Variants in MAGI1 observed in about 807,000 individuals in gnomAD.
The protein encoded by MAGI1 is membrane-associated guanylate kinase, WW and PDZ domain-containing protein 1.
MAGI1 carries 58 observed loss-of-function variants against 139.9 expected under a neutral mutation model. The ratio of observed to expected loss-of-function variants is 0.41; its 90% confidence interval spans 0.34 to 0.52. The LOEUF (loss-of-function observed/expected upper bound fraction) is 0.52. Among genes scored for constraint, MAGI1 ranks in the 20% least tolerant of loss-of-function variants. MAGI1 has a pLI of 0.12. For missense variants in MAGI1, 1,874 were observed against 1,901.6 expected (o/e 0.99, Z 0.27); for synonymous variants, 812 against 737.9 (o/e 1.10, Z -1.63).
At chr3:65,987,302 C>T (rs2107326598) in intron 1 of MAGI1, among the ~76,000 whole-genome samples, 1 of 152,328 alleles carries the variant, frequency 6.6e-6, no homozygotes, top group East Asian at 1.9e-4. Flanking sequence ...TGCACCTTGT[C>T]ATGTGCTCTA....
At chr3:65,373,214 A>G (rs1046441055) in intron 18 of MAGI1, among the ~76,000 whole-genome samples, 5 of 152,244 alleles carry the variant, frequency 3.3e-5, no homozygotes, top group African/African-American at 1.2e-4. Context: ...AGGCCATTGT[A>G]AGGTTATTTA....
intron 1 of MAGI1, among the ~76,000 whole-genome samples, chr3:65,784,659 C>G (rs1419477206): frequency 6.6e-6 from 1 of 151,732 alleles, no homozygotes; most frequent in Non-Finnish European, 1.5e-5. Context: ...GAGCCGAGAT[C>G]GCGCCACTGC....
intron 1 of MAGI1, among the ~76,000 whole-genome samples, chr3:65,904,982 T>C (rs1552966): frequency 0.16 from 24,208 of 152,112 alleles, 1,953 homozygotes; most frequent in East Asian, 0.22. Flanking sequence ...GAAATCAATA[T>C]GATTCAACAA....
At chr3:65,523,528 G>T (rs2078252145) in intron 2 of MAGI1, among the ~76,000 whole-genome samples, 1 of 152,162 alleles carries the variant, frequency 6.6e-6, no homozygotes, top group South Asian at 2.1e-4. Context: ...ATGAACTTCT[G>T]TCCTGGAGTG....
Position 65,704,742 on chromosome 3 carries a change from T to TA in MAGI1, c.314-82655dup, listed in dbSNP as rs541716292. Among the ~76,000 whole-genome samples the TA allele has an allele frequency of 1.1e-3, 165 of 148,662 alleles. 1 individual carries two copies. In the Middle Eastern group the frequency reaches 0.014, roughly 12 times the overall value. Reference sequence around the variant, plus strand: ...GTGCATGACGACATAAAAATTCATTTAAAAAAAAAAGGCACAAGTAGCTAA... The same window carrying TA: ...GTGCATGACGACATAAAAATTCATTTAAAAAAAAAAAGGCACAAGTAGCTAA... On this transcript the variant is annotated intron_variant, in intron 1 of 22. Coordinates refer to ENST00000402939, the MANE Select transcript of MAGI1 (RefSeq NM_001033057.2).
At chr3:65,987,020 G>A (rs775760729) in intron 1 of MAGI1, among the ~76,000 whole-genome samples, 4 of 152,064 alleles carry the variant, frequency 2.6e-5, no homozygotes, top group South Asian at 2.1e-4. Flanking sequence ...ACAGGTATAC[G>A]CCACCATGTT....
At chr3:65,452,387 AGTTCT>A (rs1252990415) in intron 6 of MAGI1, among the ~76,000 whole-genome samples, 1 of 152,194 alleles carries the variant, frequency 6.6e-6, no homozygotes, top group Admixed American at 6.5e-5. Flanking sequence ...CGAATAATAA[AGTTCT>A]GTTATCTTAC....
intron 2 of MAGI1, among the ~76,000 whole-genome samples, chr3:65,544,379 G>T (rs956854784): frequency 6.6e-6 from 1 of 152,016 alleles, no homozygotes; most frequent in Admixed American, 6.6e-5. Flanking sequence ...GGGGAACTGG[G>T]GGATCTCAGA....
At chr3:65,884,941 T>C (rs1206647113) in intron 1 of MAGI1, among the ~76,000 whole-genome samples, 4 of 152,158 alleles carry the variant, frequency 2.6e-5, no homozygotes, top group African/African-American at 4.8e-5. Context: ...CATGTAATAT[T>C]TGTCTCAAGG....
intron 13 of MAGI1, among the ~76,000 whole-genome samples, chr3:65,398,515 C>G (rs943927841): frequency 6.6e-6 from 1 of 151,916 alleles, no homozygotes; most frequent in Non-Finnish European, 1.5e-5. Flanking sequence ...AAAGAGGGGA[C>G]AGATTAAGGG....
chr3:65,856,774 T>G (rs1024874224), intron 1 of MAGI1, among the ~76,000 whole-genome samples: 4 of 152,150 alleles, frequency 2.6e-5, no homozygotes, highest in African/African-American at 9.7e-5. Context: ...CTTAACCCTC[T>G]CTGCAAAACT....
Position 65,806,478 on chromosome 3 carries a change from C to T in MAGI1, c.314-184390G>A, listed in dbSNP as rs577400947. On this transcript the variant is annotated intron_variant, in intron 1 of 22. Transcript: ENST00000402939. ...TTGAACTGTGTTTTAATAGGGCAAA[C>T]GCCGAGCTGTAACCAATTCAACTGT... 9.2e-5 allele frequency among the ~76,000 whole-genome samples: 14 copies of T among 152,180 alleles called. No individual in the cohort carries two copies. In the East Asian group the frequency reaches 1.5e-3, roughly 17 times the overall value.
intron 1 of MAGI1, among the ~76,000 whole-genome samples, chr3:65,760,388 A>ATT (rs5849690): frequency 0.019 from 2,830 of 145,230 alleles, 81 homozygotes; most frequent in African/African-American, 0.067. Flanking sequence ...CAGAGCGGTA[A>ATT]TTTTTTTTTT....
intron 2 of MAGI1, among the ~76,000 whole-genome samples, chr3:65,608,591 T>C (rs1016964138): frequency 2.6e-5 from 4 of 152,164 alleles, no homozygotes; most frequent in Non-Finnish European, 5.9e-5. Context: ...GAGATACCAC[T>C]GCACATCCAC....
rs72908923 is a variant in MAGI1 at position 65,945,358 on chromosome 3, C to T, written c.313+92638G>A. 6.4e-3 allele frequency among the ~76,000 whole-genome samples: 976 copies of T among 152,242 alleles called. 11 individuals are homozygous for T. Among genetic ancestry groups the T allele is most frequent in the African/African-American group, 0.022 (919 of 41,534 alleles). On this transcript the variant is annotated intron_variant, in intron 1 of 22. Transcript: ENST00000402939. ...GTACCCAATAGTTATTTTGTAATGA[C>T]CACCTAGGAGATTCTGAGGCTGATG...
At chr3:65,607,586 G>T (rs2082810931) in intron 2 of MAGI1, among the ~76,000 whole-genome samples, 1 of 152,086 alleles carries the variant, frequency 6.6e-6, no homozygotes, top group Admixed American at 6.6e-5. Flanking sequence ...AACTGACAAG[G>T]GAGTGAGAGG....
chr3:65,636,680 C>A (rs1014821862), intron 1 of MAGI1, among the ~76,000 whole-genome samples: 1 of 150,426 alleles, frequency 6.6e-6, no homozygotes, highest in African/African-American at 2.5e-5. Flanking sequence ...TTTTTTTAAA[C>A]TATGTTTATA....
At chr3:65,562,218 G>A (rs1464133028) in intron 2 of MAGI1, among the ~76,000 whole-genome samples, 1 of 151,876 alleles carries the variant, frequency 6.6e-6, no homozygotes, top group Admixed American at 6.6e-5. Flanking sequence ...GATAAGAAGG[G>A]GACTACTGTA....
At chr3:65,970,395 A>C (rs1177889863) in intron 1 of MAGI1, among the ~76,000 whole-genome samples, 1 of 152,150 alleles carries the variant, frequency 6.6e-6, no homozygotes, top group African/African-American at 2.4e-5. Flanking sequence ...GGGAAGATGA[A>C]AAAGTTGTGG....
Sources: allele counts gnomAD v4.1 joint callset (sites outside exome capture counted in the v4.1 genomes callset), GRCh38; gene constraint gnomAD v4.1.1; transcripts MANE v1.5; gene names NCBI Gene and HGNC (gene_info 2026-07-23, HGNC 2026-07-21).